Variants in LANCL2 observed in about 807,000 individuals in gnomAD.
LANCL2 encodes LanC like glutathione S-transferase 2.
In LANCL2, 33 loss-of-function variants were observed where a neutral mutation model predicts 56.9. The observed-to-expected ratio is 0.58, with a 90% CI of 0.44 to 0.78. LANCL2 has a LOEUF of 0.78. LANCL2 is among the 30% of genes least tolerant of loss of function. LANCL2 has a pLI of 0.00. For synonymous variants in LANCL2, 233 were observed against 228.2 expected (o/e 1.02, Z -0.19); for missense variants, 562 against 580.2 (o/e 0.97, Z 0.32).
At chr7:55,429,981 G>C (rs1236470285) in intron 8 of LANCL2, among the ~76,000 whole-genome samples, 4 of 152,236 alleles carry the variant, frequency 2.6e-5, no homozygotes, top group Non-Finnish European at 4.4e-5. Context: ...CCACTGGGAG[G>C]GCTCACTGGC....
chr7:55,375,646 C>G (rs542591024), intron 1 of LANCL2, among the ~76,000 whole-genome samples: 2 of 152,322 alleles, frequency 1.3e-5, no homozygotes, highest in Non-Finnish European at 2.9e-5. Flanking sequence ...ATTTATTTAT[C>G]ATCTTTAAAA....
intron 1 of LANCL2, among the ~76,000 whole-genome samples, chr7:55,370,047 C>T (rs1789925956): frequency 6.6e-6 from 1 of 152,202 alleles, no homozygotes; most frequent in Admixed American, 6.5e-5. Flanking sequence ...GGTTCTGGCT[C>T]ACGGTCTCTG....
chr7:55,381,283 C>T (rs959369443), intron 1 of LANCL2, among the ~76,000 whole-genome samples: 1 of 152,106 alleles, frequency 6.6e-6, no homozygotes, highest in Non-Finnish European at 1.5e-5. Flanking sequence ...CACTCAGTGG[C>T]GGCAGGGGTT....
intron 7 of LANCL2, among the ~76,000 whole-genome samples, chr7:55,427,011 G>A (rs1790671340): frequency 6.6e-6 from 1 of 152,206 alleles, no homozygotes. Flanking sequence ...ATGCAGTTCT[G>A]ATAAGGAGAA....
At chr7:55,426,437 T>C (rs1343659800) in intron 7 of LANCL2, among the ~76,000 whole-genome samples, 1 of 152,222 alleles carries the variant, frequency 6.6e-6, no homozygotes, top group African/African-American at 2.4e-5. Context: ...ACAGTGACCC[T>C]TGTTAGATGG....
Position 55,398,529 on chromosome 7 carries a change from C to T in LANCL2, c.429C>T (p.Arg143=), listed in dbSNP as rs1273179372. ...VKRTLRNLNG[R]RVTFLCGDAG... ...GAACACTTCGGAATCTGAATGGCCG[C>T]AGGGTCACCTTCCTCTGTGGGGATG... The change falls in exon 3 of 9, where the codon CGC becomes CGT. Residue 143 remains arginine (R), a synonymous_variant. Coordinates refer to ENST00000254770, the MANE Select transcript of LANCL2 (RefSeq NM_018697.4). 2 of 1,614,172 alleles carry T rather than the reference C, an allele frequency of 1.2e-6. No individual in the cohort carries two copies. Among genetic ancestry groups the T allele is most frequent in the East Asian group, 2.2e-5 (1 of 44,888 alleles).
intron 1 of LANCL2, among the ~76,000 whole-genome samples, chr7:55,374,649 C>T (rs776809162): frequency 6.6e-6 from 1 of 152,200 alleles, no homozygotes; most frequent in Non-Finnish European, 1.5e-5. Context: ...AGCAAGCCCA[C>T]ACTCTTGCTA....
intron 1 of LANCL2, among the ~76,000 whole-genome samples, chr7:55,382,583 G>A (rs142463163): frequency 0.012 from 1,812 of 152,278 alleles, 39 homozygotes; most frequent in African/African-American, 0.04. Flanking sequence ...GGACAAGGGA[G>A]TGGGAGTGCT....
chr7:55,401,448 C>T, intron 5 of LANCL2, 128 bp downstream of exon 5: 1 of 602,156 alleles, frequency 1.7e-6, no homozygotes, highest in Non-Finnish European at 2.7e-6. Context: ...CGTAACTCTG[C>T]CACATAAACC....
chr7:55,372,634 T>C (rs191561376), intron 1 of LANCL2, among the ~76,000 whole-genome samples: 63 of 152,312 alleles, frequency 4.1e-4, no homozygotes, highest in Non-Finnish European at 7.8e-4. Context: ...TACTGATACA[T>C]AGGTGAATAG....
chr7:55,373,780 ATCTTGGAC>A (rs1789971962), intron 1 of LANCL2, among the ~76,000 whole-genome samples: 2 of 152,210 alleles, frequency 1.3e-5, no homozygotes, highest in African/African-American at 4.8e-5. Context: ...AGAATGTTAC[ATCTTGGAC>A]TCTTAGATGA....
intron 7 of LANCL2, 111 bp downstream of exon 7, chr7:55,425,541 G>C (rs1790655576): frequency 4.1e-6 from 4 of 984,338 alleles, no homozygotes; most frequent in Non-Finnish European, 6.1e-6. Context: ...TCCCAGTTCT[G>C]TAGCTTCCTC....
At position 55,401,241 on chromosome 7, in the gene LANCL2, C is replaced by T. The variant is rs773084629; in HGVS notation, c.746C>T (p.Pro249Leu). ...SREERKTERCPLLYQWHRKQY... is the reference protein window; with the variant it reads ...SREERKTERCLLLYQWHRKQY... ...GAAGAAAGAAAAACGGAGCGCTGCC[C>T]GCTGTTGTACCAGTGGCACCGGAAG... The change falls in exon 5 of 9, where the codon CCG becomes CTG. Residue 249 changes from proline to leucine, a missense_variant. Around this residue, in one of 2 missense-constraint regions of LANCL2, gnomAD observed 378 missense variants for 468.4 expected, o/e 0.81. Coordinates refer to ENST00000254770, the MANE Select transcript of LANCL2 (RefSeq NM_018697.4). 6.8e-6 allele frequency: 11 copies of T among 1,613,896 alleles called. No individual in the cohort carries two copies. The highest frequency in any genetic ancestry group is 3.3e-5 in the Admixed American group (2 of 59,996).
At chr7:55,380,652 T>TAG (rs975534864) in intron 1 of LANCL2, among the ~76,000 whole-genome samples, 1 of 152,028 alleles carries the variant, frequency 6.6e-6, no homozygotes, top group African/African-American at 2.4e-5. Flanking sequence ...GGAGGTTCTA[T>TAG]AGAGTGCGTT....
intron 8 of LANCL2, among the ~76,000 whole-genome samples, chr7:55,429,934 A>G (rs1038633715): frequency 6.6e-6 from 1 of 152,242 alleles, no homozygotes; most frequent in Non-Finnish European, 1.5e-5. Flanking sequence ...GTGCCTAGCA[A>G]TGCAGGCCAT....
Position 55,400,067 on chromosome 7 carries a change from T to G in LANCL2, c.641T>G (p.Ile214Arg), listed in dbSNP as rs1790303164. ...GCCTTACTGTACCTGAACACAGAGA[T>G]AGGTCCAGGCACCGTGTGTGAGTCA... is the stretch of plus-strand genomic sequence containing the variant. The part of the protein sequence containing the change: ...LYALLYLNTE[I>R]GPGTVCESAI... The change falls in exon 4 of 9, where the codon ATA becomes AGA. Residue 214 changes from isoleucine (I) to arginine (R), a missense_variant. Ile to Arg is a moderately conservative substitution (Grantham distance 97, BLOSUM62 -3). Coordinates refer to ENST00000254770, the MANE Select transcript of LANCL2 (RefSeq NM_018697.4). 3.1e-6 allele frequency: 5 copies of G among 1,613,228 alleles called. No homozygotes were observed. The highest frequency in any genetic ancestry group is 2.5e-6 in the Non-Finnish European group (3 of 1,179,366).
At chr7:55,412,669 T>C (rs948930857) in intron 6 of LANCL2, among the ~76,000 whole-genome samples, 13 of 152,334 alleles carry the variant, frequency 8.5e-5, no homozygotes, top group African/African-American at 1.9e-4. Flanking sequence ...TGTCCTGGAC[T>C]AAGATTTATC....
intron 5 of LANCL2, among the ~76,000 whole-genome samples, chr7:55,408,184 T>C (rs1790431870): frequency 6.6e-6 from 1 of 152,116 alleles, no homozygotes; most frequent in Non-Finnish European, 1.5e-5. Context: ...ATAGCTGAAT[T>C]TTTAATAAGT....
chr7:55,416,697 G>A (rs145712048), intron 6 of LANCL2, among the ~76,000 whole-genome samples: 158 of 152,022 alleles, frequency 1.0e-3, no homozygotes, highest in African/African-American at 3.5e-3. Flanking sequence ...GATATATATC[G>A]TACAAATAAT....
Sources: allele counts gnomAD v4.1 joint callset (sites outside exome capture counted in the v4.1 genomes callset), GRCh38; gene constraint gnomAD v4.1.1; regional missense constraint gnomAD v4.1.1; transcripts MANE v1.5; gene names NCBI Gene and HGNC (gene_info 2026-07-23, HGNC 2026-07-21).